Variants in ATP8B2 observed in about 807,000 individuals in gnomAD.
The protein encoded by ATP8B2 is ATPase phospholipid transporting 8B2.
ATP8B2 carries 70 observed loss-of-function variants against 133.4 expected under a neutral mutation model. The observed-to-expected ratio is 0.52, with a 90% CI of 0.43 to 0.64. The LOEUF (loss-of-function observed/expected upper bound fraction) is 0.64. ATP8B2 is among the 30% of genes least tolerant of loss of function. The pLI is 0.00. For synonymous variants in ATP8B2, 517 were observed against 589.5 expected, an observed-to-expected ratio of 0.88 and a Z score of 1.78; for missense variants, 1,101 against 1,535.7, an observed-to-expected ratio of 0.72 and a Z score of 4.73.
In ATP8B2 at chr1:154,340,771, G is replaced by A. The variant is rs959009536; in HGVS notation, c.1035-83G>A. The A allele has an allele frequency of 1.0e-5, 13 of 1,293,052 alleles. No homozygotes were observed. The highest frequency in any genetic ancestry group is 1.7e-5 in the Admixed American group (1 of 57,800). 80.1% of individuals were successfully genotyped at this position (1,293,052 alleles called of 1,614,324 possible). The stretch of plus-strand genomic sequence containing the variant: ...TCTCCGTTCTTGTCTCTCCCCAGGC[G>A]GAGGGCCTGCAGCGAAGGCCCATGT... On this transcript the variant is annotated intron_variant, in intron 12 of 27. Coordinates refer to ENST00000368489, the MANE Select transcript of ATP8B2 (RefSeq NM_001370597.1). The surrounding 1 kb of genome is among the most constrained non-coding windows in gnomAD (Gnocchi z 4.0).
At chr1:154,339,112 G>T (rs1007696127) in intron 12 of ATP8B2, among the ~76,000 whole-genome samples, 2 of 152,186 alleles carry the variant, frequency 1.3e-5, no homozygotes, top group African/African-American at 2.4e-5. Context: ...CCCATCTTTT[G>T]TTCATACAGA....
rs750100121 is a variant in ATP8B2 at position 154,344,409 on chromosome 1, A to G, written c.2050A>G (p.Ile684Val). Reference sequence around the variant, plus strand: ...TCTCTTGGTAGAGACGGCTGTGAACATCGGCTATTCCTGCAAGATGCTGAC... The same window carrying G: ...TCTCTTGGTAGAGACGGCTGTGAACGTCGGCTATTCCTGCAAGATGCTGAC... ...TGDKQETAVN[I>V]GYSCKMLTDD... The change falls in exon 20 of 28, where the codon ATC becomes GTC. Residue 684 changes from isoleucine to valine, a missense_variant. Transcript: ENST00000368489. The surrounding 1 kb of genome is among the most constrained non-coding windows in gnomAD (Gnocchi z 4.1). The G allele has an allele frequency of 1.9e-6, 3 of 1,613,982 alleles. No homozygotes were observed. The highest frequency in any genetic ancestry group is 1.7e-5 in the Admixed American group (1 of 59,986).
Position 154,343,831 on chromosome 1 carries a change from C to T in ATP8B2, c.1759-62C>T. The T allele has an allele frequency of 6.5e-7, 1 of 1,535,948 alleles. No homozygotes were observed. ...TACAGTGCAGGATTATTCATTGTCG[C>T]CCTCACGCTGTCCATTAGCTCTCCA... is the stretch of plus-strand genomic sequence containing the variant. On this transcript the variant is annotated intron_variant, in intron 17 of 27. Transcript: ENST00000368489. This position sits in a 1 kb window ranked among gnomAD's most constrained non-coding sequence, Gnocchi z 5.8.
At chr1:154,337,131 T>C (rs1558271005) in intron 11 of ATP8B2, among the ~76,000 whole-genome samples, 1 of 151,302 alleles carries the variant, frequency 6.6e-6, no homozygotes, top group African/African-American at 2.4e-5. Flanking sequence ...TAATTATTTT[T>C]CATTTAACAT....
chr1:154,343,533 C>G lies in ATP8B2; in HGVS notation c.1723C>G (p.Gln575Glu). The change falls in exon 17 of 28, where the codon CAA becomes GAA. Residue 575 changes from glutamine to glutamate, a missense_variant. Gln to Glu is a conservative substitution (Grantham distance 29, BLOSUM62 2). Transcript: ENST00000368489. This position sits in a 1 kb window ranked among gnomAD's most constrained non-coding sequence, Gnocchi z 5.8. The part of the protein sequence containing the change: ...ILLDRLHHST[Q>E]ELLNTTMDHL... Reference sequence around the variant, plus strand: ...ACTGGACAGACTGCACCACTCCACTCAAGAGCTGCTCAACACCACCATGGA... The same window carrying G: ...ACTGGACAGACTGCACCACTCCACTGAAGAGCTGCTCAACACCACCATGGA... The G allele has an allele frequency of 6.2e-7, 1 of 1,614,104 alleles. No individual in the cohort carries two copies. The highest frequency in any genetic ancestry group is 8.5e-7 in the Non-Finnish European group (1 of 1,180,034).
In ATP8B2 at chr1:154,342,484, T is replaced by C. The variant is rs747617891; in HGVS notation, c.1248T>C (p.Asp416=). ...TTCTGCCCTGGCTGTATGTAGGTGA[T>C]GTGTTTGACGTCCTGGGACACAAAG... is the stretch of plus-strand genomic sequence containing the variant. The part of the protein sequence containing the change: ...KCSINGHSYG[D]VFDVLGHKAE... Residue 416 remains aspartate (D), a synonymous_variant, in exon 14 of 28, where the codon GAT becomes GAC. Coordinates refer to ENST00000368489, the MANE Select transcript of ATP8B2 (RefSeq NM_001370597.1). 6.2e-7 allele frequency: 1 copy of C among 1,613,892 alleles called. No individual in the cohort carries two copies. Among genetic ancestry groups the C allele is most frequent in the Non-Finnish European group, 8.5e-7 (1 of 1,179,826 alleles).
At chr1:154,341,131 C>T (rs1422074050) in intron 13 of ATP8B2, 69 bp downstream of exon 13, 1 of 1,524,516 alleles carries the variant, frequency 6.6e-7, no homozygotes, top group South Asian at 1.1e-5. Context: ...TGGGGCCCCA[C>T]AGTTTCCTTA....
Position 154,344,536 on chromosome 1 carries a change from T to C in ATP8B2, c.2141+36T>C, listed in dbSNP as rs375943434. 6.2e-7 allele frequency: 1 copy of C among 1,613,844 alleles called. No homozygotes were observed. The highest frequency in any genetic ancestry group is 8.5e-7 in the Non-Finnish European group (1 of 1,179,938). On this transcript the variant is annotated intron_variant, in intron 20 of 27. Coordinates refer to ENST00000368489, the MANE Select transcript of ATP8B2 (RefSeq NM_001370597.1). This position sits in a 1 kb window ranked among gnomAD's most constrained non-coding sequence, Gnocchi z 4.1. ...AGCCCAGGGGAGGCGGTGCTGTGCG[T>C]TGTGCCCAGGGCTCAGGTGGGGGTT...
At chr1:154,339,847 A>T (rs1686317609) in intron 12 of ATP8B2, among the ~76,000 whole-genome samples, 2 of 152,176 alleles carry the variant, frequency 1.3e-5, no homozygotes, top group South Asian at 4.1e-4. Flanking sequence ...AGTGCATATG[A>T]TTAGCAAAGA....
intron 8 of ATP8B2, 48 bp from the exon 9 acceptor site, chr1:154,332,570 T>G: frequency 2.8e-6 from 4 of 1,443,396 alleles, no homozygotes; most frequent in African/African-American, 1.4e-5. Context: ...AAAAAAAACA[T>G]TTAGAGGATG....
In ATP8B2 at chr1:154,331,362, C is replaced by T; in HGVS notation, c.304-82C>T. 6.8e-7 allele frequency: 1 copy of T among 1,472,006 alleles called. No individual in the cohort carries two copies. The highest frequency in any genetic ancestry group is 9.5e-7 in the Non-Finnish European group (1 of 1,054,120). The allele number at this position is 1,472,006 out of a possible 1,614,324, so 91.2% of individuals were successfully genotyped here. A position where few individuals can be genotyped will look rare whatever the true frequency, so the allele number is the denominator to read the frequency against. On this transcript the variant is annotated intron_variant, in intron 5 of 27. Transcript: ENST00000368489. The surrounding 1 kb of genome is among the most constrained non-coding windows in gnomAD (Gnocchi z 4.8). ...GATGGGGTGTGTATGAGGCGTTAAC[C>T]AGCATGCTCTGAGTTCTACTGATCA...
In ATP8B2 at chr1:154,340,913, G is replaced by A. The variant is rs753046751; in HGVS notation, c.1094G>A (p.Cys365Tyr). 1 of 1,614,216 alleles carries A rather than the reference G, an allele frequency of 6.2e-7. No individual in the cohort carries two copies. The highest frequency in any genetic ancestry group is 8.5e-7 in the Non-Finnish European group (1 of 1,180,040). The change falls in exon 13 of 28, where the codon TGC (cysteine) becomes TAC (tyrosine). Residue 365 changes from cysteine to tyrosine, a missense_variant. Physicochemically the swap from Cys to Tyr is radical, Grantham distance 194 (BLOSUM62 -2). Transcript: ENST00000368489. The surrounding 1 kb of genome is among the most constrained non-coding windows in gnomAD (Gnocchi z 4.0). ...ATCAACTGGGATAAGAAGATGTTCTGCATGAAGAAGCGGACGCCTGCAGAA... is the reference window on the plus strand; with the variant it reads ...ATCAACTGGGATAAGAAGATGTTCTACATGAAGAAGCGGACGCCTGCAGAA... ...YFINWDKKMF[C>Y]MKKRTPAEAR...
At position 154,334,602 on chromosome 1, in the gene ATP8B2, C is replaced by G. The variant is rs1272425683; in HGVS notation, c.837+11C>G. 6.2e-7 allele frequency: 1 copy of G among 1,611,086 alleles called. No individual in the cohort carries two copies. Among genetic ancestry groups the G allele is most frequent in the Admixed American group, 1.7e-5 (1 of 59,958 alleles). ...ACCCTGGTGCTCTGGGTGAGGCGCC[C>G]CACATCTGGCTCCCTGCCCCTGCCC... On this transcript the variant is annotated intron_variant, in intron 11 of 27. Coordinates refer to ENST00000368489, the MANE Select transcript of ATP8B2 (RefSeq NM_001370597.1). The surrounding 1 kb of genome is among the most constrained non-coding windows in gnomAD (Gnocchi z 4.6).
Position 154,346,570 on chromosome 1 carries a change from G to A in ATP8B2, c.3025-50G>A, listed in dbSNP as rs1686591906. ...GGGCACCACAGTTCTGTTTCTGGGG[G>A]AAGGGGCTTTTAGGGCGTGCGCCTG... On this transcript the variant is annotated intron_variant, in intron 25 of 27. Coordinates refer to ENST00000368489, the MANE Select transcript of ATP8B2 (RefSeq NM_001370597.1). This position sits in a 1 kb window ranked among gnomAD's most constrained non-coding sequence, Gnocchi z 4.5. The A allele has an allele frequency of 2.5e-6, 4 of 1,612,148 alleles. No individual in the cohort carries two copies. The highest frequency in any genetic ancestry group is 1.3e-5 in the African/African-American group (1 of 74,842).
rs1481242296 is a variant in ATP8B2, at chr1:154,332,687, C to T, written c.579C>T (p.Ala193=). ...AATTGGGAGACATCAGTAAGCTTGCCAAGTTTGACGGTGAGTAATTTTGGA... is the reference window on the plus strand; with the variant it reads ...AATTGGGAGACATCAGTAAGCTTGCTAAGTTTGACGGTGAGTAATTTTGGA... ...TSELGDISKL[A]KFDGEVICEP... Residue 193 remains alanine (A), a synonymous_variant, in exon 9 of 28, where the codon GCC becomes GCT. Transcript: ENST00000368489. 3 of 1,576,054 alleles carry T rather than the reference C, an allele frequency of 1.9e-6. No homozygotes were observed. The highest frequency in any genetic ancestry group is 2.3e-5 in the South Asian group (2 of 85,956).
At position 154,344,242 on chromosome 1, in the gene ATP8B2, G is replaced by A. The variant is rs371485044; in HGVS notation, c.2023G>A (p.Gly675Arg). The change falls in exon 19 of 28, where the codon GGA becomes AGA. Residue 675 changes from glycine (G) to arginine (R), a missense_variant. By Grantham distance (125) the Gly-to-Arg change is moderately radical (BLOSUM62 -2). Transcript: ENST00000368489. The surrounding 1 kb of genome is among the most constrained non-coding windows in gnomAD (Gnocchi z 4.1). ...CAACATCAAGATTTGGGTGCTAACC[G>A]GAGACAAGCAAGGTGAGAGCCCAGC... Reference protein sequence around the residue: ...LANIKIWVLTGDKQETAVNIG... With the variant: ...LANIKIWVLTRDKQETAVNIG... 4.3e-6 allele frequency: 7 copies of A among 1,614,094 alleles called. No individual in the cohort carries two copies. The highest frequency in any genetic ancestry group is 4.0e-5 in the African/African-American group (3 of 74,930).
In ATP8B2 at chr1:154,344,214, G is replaced by A. The variant is rs553468142; in HGVS notation, c.1995G>A (p.Leu665=). The A allele has an allele frequency of 1.9e-6, 3 of 1,614,182 alleles. No individual in the cohort carries two copies. In the Admixed American group the frequency reaches 5.0e-5, roughly 27 times the overall value. The change falls in exon 19 of 28, where the codon CTG becomes CTA. Residue 665 remains leucine, a synonymous_variant. Transcript: ENST00000368489. This position sits in a 1 kb window ranked among gnomAD's most constrained non-coding sequence, Gnocchi z 4.1. The part of the protein sequence containing the change: ...GVPETIALLT[L]ANIKIWVLTG... ...CAGAGACCATTGCCCTCCTGACACT[G>A]GCCAACATCAAGATTTGGGTGCTAA...
rs905435859 is a variant in ATP8B2, at chr1:154,328,542, G to A, written c.31+370G>A. ...GTTCTCCTGGTTTTTCCGCGGGCGG[G>A]GGTGTGTGTGTGTGAAAGCGGTTGC... On this transcript the variant is annotated intron_variant, in intron 2 of 27. Transcript: ENST00000368489. The surrounding 1 kb of genome is among the most constrained non-coding windows in gnomAD (Gnocchi z 4.6). Among the ~76,000 whole-genome samples, 2 of 152,136 alleles carry A rather than the reference G, an allele frequency of 1.3e-5. No homozygotes were observed. Among genetic ancestry groups the A allele is most frequent in the African/African-American group, 4.8e-5 (2 of 41,408 alleles).
rs1686722064 is a variant in ATP8B2 at position 154,349,713 on chromosome 1, AC to A, written c.*596del. The stretch of plus-strand genomic sequence containing the variant: ...ACTCTCCTGGGAAAAGGAGGCTGGC[AC>A]ACACTGGGATGCCGCAGCCTGGCCG... On this transcript the variant is annotated 3_prime_UTR_variant, in exon 28 of 28. Transcript: ENST00000368489. 1 of 154,206 alleles carries A rather than the reference AC, an allele frequency of 6.5e-6. No individual in the cohort carries two copies. The highest frequency in any genetic ancestry group is 1.4e-5 in the Non-Finnish European group (1 of 69,148). 9.6% of individuals were successfully genotyped at this position (154,206 alleles called of 1,614,324 possible).
Sources: gnomAD v4.1 joint callset for allele counts (sites outside exome capture counted in the v4.1 genomes callset) on GRCh38, gnomAD v4.1.1 for gene constraint, Gnocchi (gnomAD v3.1) non-coding constraint, MANE v1.5 for transcripts, NCBI Gene and HGNC (gene_info 2026-07-23, HGNC 2026-07-21) for gene names.